CNTN5: variants seen among roughly 807,000 people sequenced by gnomAD.
The protein encoded by CNTN5 is contactin 5.
In CNTN5, 77 loss-of-function variants were observed where a neutral mutation model predicts 129.1. The ratio of observed to expected loss-of-function variants is 0.60; its 90% CI spans 0.50 to 0.72. The LOEUF is 0.72. Among genes scored for constraint, CNTN5 ranks in the 30% least tolerant of loss-of-function variants. The pLI is 0.00. For missense variants in CNTN5, 1,478 were observed against 1,328.8 expected, an observed-to-expected ratio of 1.11 and a Z score of -1.75; for synonymous variants, 509 against 465.6, an observed-to-expected ratio of 1.09 and a Z score of -1.20.
intron 1 of CNTN5, among the ~76,000 whole-genome samples, chr11:99,174,833 C>T (rs572245487): frequency 1.3e-5 from 2 of 151,644 alleles, no homozygotes; most frequent in Non-Finnish European, 2.9e-5. Flanking sequence ...CAGAATTTTC[C>T]AACTATTATA....
chr11:100,333,348 G>A (rs1951948666), intron 21 of CNTN5, among the ~76,000 whole-genome samples: 2 of 124,190 alleles, frequency 1.6e-5, no homozygotes, highest in Admixed American at 1.0e-4. Flanking sequence ...ACTGCCAAAA[G>A]CAATCTAGCA....
chr11:99,495,398 C>G (rs1382349170), intron 2 of CNTN5, among the ~76,000 whole-genome samples: 1 of 152,014 alleles, frequency 6.6e-6, no homozygotes, highest in Non-Finnish European at 1.5e-5. Context: ...ATCATCCCTT[C>G]ATATATTGCT....
intron 13 of CNTN5, among the ~76,000 whole-genome samples, chr11:100,140,164 A>T (rs1310331772): frequency 6.6e-6 from 1 of 152,222 alleles, no homozygotes; most frequent in African/African-American, 2.4e-5. Context: ...GAGCAGAAGA[A>T]TAAATAAACC....
intron 1 of CNTN5, among the ~76,000 whole-genome samples, chr11:99,219,291 G>A (rs998844281): frequency 3.3e-5 from 5 of 151,732 alleles, no homozygotes; most frequent in Non-Finnish European, 7.4e-5. Context: ...ACTATATAAA[G>A]GTAATAAAGC....
rs1947646376 is a variant in CNTN5 at position 99,845,179 on chromosome 11, C to A, written c.494C>A (p.Ala165Glu). The change falls in exon 6 of 25, where the codon GCA becomes GAA. Residue 165 changes from alanine to glutamate, a missense_variant. Ala to Glu is a moderately radical substitution (Grantham distance 107). Transcript: ENST00000524871. ...GTFIISNPSEAKDSGHYQCLA... is the reference protein window; with the variant it reads ...GTFIISNPSEEKDSGHYQCLA... Reference sequence around the variant, plus strand: ...TTCATTATAAGCAATCCAAGTGAAGCAAAGGATTCTGGTCATTATCAGTGT... The same window carrying A: ...TTCATTATAAGCAATCCAAGTGAAGAAAAGGATTCTGGTCATTATCAGTGT... The A allele has an allele frequency of 1.2e-6, 2 of 1,613,534 alleles. No homozygotes were observed. Among genetic ancestry groups the A allele is most frequent in the South Asian group, 2.2e-5 (2 of 91,080 alleles).
At chr11:100,284,357 A>G (rs1311002654) in intron 18 of CNTN5, among the ~76,000 whole-genome samples, 1 of 152,156 alleles carries the variant, frequency 6.6e-6, no homozygotes. Context: ...TTTAAGCTAT[A>G]TTTTCTTACA....
At chr11:99,480,909 C>T (rs1021523016) in intron 2 of CNTN5, among the ~76,000 whole-genome samples, 2 of 152,062 alleles carry the variant, frequency 1.3e-5, no homozygotes, top group African/African-American at 2.4e-5. Flanking sequence ...GGATGGTTTT[C>T]GATTCAATGA....
intron 3 of CNTN5, among the ~76,000 whole-genome samples, chr11:99,738,851 T>C (rs1943798494): frequency 6.6e-6 from 1 of 152,202 alleles, no homozygotes; most frequent in South Asian, 2.1e-4. Flanking sequence ...TTAAAAAATG[T>C]ATGTCAAAAG....
chr11:99,380,192 T>A (rs566831563), intron 2 of CNTN5, among the ~76,000 whole-genome samples: 2 of 152,052 alleles, frequency 1.3e-5, no homozygotes, highest in Non-Finnish European at 2.9e-5. Context: ...TTTGAAGAAA[T>A]ATTTGTCCTT....
chr11:99,859,306 A>G (rs1348625497), intron 6 of CNTN5, among the ~76,000 whole-genome samples: 1 of 152,234 alleles, frequency 6.6e-6, no homozygotes, highest in African/African-American at 2.4e-5. Context: ...TATCTGATGT[A>G]CATATGCACA....
intron 4 of CNTN5, among the ~76,000 whole-genome samples, chr11:99,835,648 AATGGAAACATATGG>A (rs145192956): frequency 0.056 from 8,528 of 152,256 alleles, 304 homozygotes; most frequent in Middle Eastern, 0.11. Flanking sequence ...AGGATTTAGG[AATGGAAACATATGG>A]ATGAAAACCC....
intron 21 of CNTN5, among the ~76,000 whole-genome samples, chr11:100,317,143 T>C (rs986849129): frequency 6.6e-6 from 1 of 152,210 alleles, no homozygotes; most frequent in Non-Finnish European, 1.5e-5. Context: ...TGGTGGGGAT[T>C]CCTTCAGGGG....
chr11:99,570,511 A>T lies in CNTN5; in HGVS notation c.55+14242A>T, dbSNP rs1591294589. 2.0e-5 allele frequency among the ~76,000 whole-genome samples: 3 copies of T among 152,230 alleles called. No homozygotes were observed. The East Asian group carries it at 5.8e-4, about 29-fold the overall frequency. On this transcript the variant is annotated intron_variant, in intron 3 of 24. Transcript: ENST00000524871. ...GATAAAGATTACAGAGATCAAAGGC[A>T]TTTAAAAATATTATTTCAGGTACCA...
At chr11:99,431,345 C>T (rs113156910) in intron 2 of CNTN5, among the ~76,000 whole-genome samples, 128 of 152,236 alleles carry the variant, frequency 8.4e-4, no homozygotes, top group African/African-American at 2.9e-3. Context: ...GGAAAAAGCT[C>T]ATACTTACCC....
chr11:99,685,856 G>A (rs924005249), intron 3 of CNTN5, among the ~76,000 whole-genome samples: 2 of 151,798 alleles, frequency 1.3e-5, no homozygotes, highest in African/African-American at 4.8e-5. Flanking sequence ...TTTGTATCTT[G>A]TATACTCCTT....
chr11:99,859,929 C>T (rs954237519), intron 6 of CNTN5, among the ~76,000 whole-genome samples: 3 of 152,158 alleles, frequency 2.0e-5, no homozygotes, highest in South Asian at 2.1e-4. Context: ...AACTACTTTC[C>T]TCAGTGGCTG....
intron 3 of CNTN5, among the ~76,000 whole-genome samples, chr11:99,657,545 G>C (rs1289845777): frequency 6.6e-6 from 1 of 152,022 alleles, no homozygotes; most frequent in Non-Finnish European, 1.5e-5. Context: ...ACCCAGTAAT[G>C]ACAATTTATT....
intron 3 of CNTN5, among the ~76,000 whole-genome samples, chr11:99,573,503 G>A (rs1296969881): frequency 6.6e-6 from 1 of 151,884 alleles, no homozygotes; most frequent in East Asian, 2.0e-4. Context: ...CAGGAAGGCG[G>A]AGTTTGCAGT....
chr11:99,379,224 C>G (rs1378643634), intron 2 of CNTN5, among the ~76,000 whole-genome samples: 1 of 146,920 alleles, frequency 6.8e-6, no homozygotes, highest in Non-Finnish European at 1.5e-5. Context: ...AAAAATAATA[C>G]CTGACATCTA....
Sources: allele counts gnomAD v4.1 joint callset (sites outside exome capture counted in the v4.1 genomes callset), GRCh38; gene constraint gnomAD v4.1.1; transcripts MANE v1.5; gene names NCBI Gene and HGNC (gene_info 2026-07-23, HGNC 2026-07-21).